Variants in KCTD6 observed in about 807,000 individuals in gnomAD.
The protein encoded by KCTD6 is potassium channel tetramerization domain containing 6.
Under a neutral mutation model 18.7 loss-of-function variants are expected in KCTD6, and 6 were observed. That is an observed-to-expected ratio of 0.32 (90% CI 0.18 to 0.63). KCTD6 has a LOEUF of 0.63. Ranked by LOEUF, KCTD6 falls within the 30% of genes least tolerant of loss-of-function variation. The pLI is 0.79. For synonymous variants in KCTD6, 86 were observed against 108.5 expected, an observed-to-expected ratio of 0.79 and a Z score of 1.29; for missense variants, 165 against 300.2, an observed-to-expected ratio of 0.55 and a Z score of 3.33.
At chr3:58,500,881 T>C in intron 2 of KCTD6, 65 bp from the exon 3 acceptor site, 2 of 1,035,408 alleles carry the variant, frequency 1.9e-6, no homozygotes, top group South Asian at 3.1e-5. Context: ...TCACTTACTT[T>C]CTTAATTTGT....
In KCTD6 at chr3:58,492,342, C is replaced by A. The variant is rs2063158667; in HGVS notation, c.-44+173C>A. ...GGGGACCGCGCGTCCCGGGCTGGCACGAGCCAGCAGCGGAGGTGCCCGCGG... is the reference window on the plus strand; with the variant it reads ...GGGGACCGCGCGTCCCGGGCTGGCAAGAGCCAGCAGCGGAGGTGCCCGCGG... On this transcript the variant is annotated intron_variant, in intron 1 of 2. Transcript: ENST00000404589. This position sits in a 1 kb window ranked among gnomAD's most constrained non-coding sequence, Gnocchi z 6.1. 6.7e-6 allele frequency among the ~76,000 whole-genome samples: 1 copy of A among 149,952 alleles called. No individual in the cohort carries two copies. Among genetic ancestry groups the A allele is most frequent in the South Asian group, 2.1e-4 (1 of 4,816 alleles).
chr3:58,497,939 C>G lies in KCTD6; in HGVS notation c.-43-774C>G, dbSNP rs186291017. 1.3e-5 allele frequency: 2 copies of G among 149,800 alleles called. No individual in the cohort carries two copies. Among genetic ancestry groups the G allele is most frequent in the Admixed American group, 1.3e-4 (2 of 15,056 alleles). 9.3% of individuals were successfully genotyped at this position (149,800 alleles called of 1,614,324 possible). On this transcript the variant is annotated intron_variant, in intron 1 of 2. Transcript: ENST00000404589. The surrounding 1 kb of genome is among the most constrained non-coding windows in gnomAD (Gnocchi z 4.2). ...GTGATTGGCTTGTATAGCTGAAATGCTGATGAAAAGGAGTTTTCCCTTCTC... is the reference window on the plus strand; with the variant it reads ...GTGATTGGCTTGTATAGCTGAAATGGTGATGAAAAGGAGTTTTCCCTTCTC...
intron 1 of KCTD6, among the ~76,000 whole-genome samples, chr3:58,495,355 A>G (rs976450985): frequency 7.9e-5 from 12 of 152,232 alleles, no homozygotes; most frequent in Non-Finnish European, 4.4e-5. Context: ...GCTCTGGAAA[A>G]TGATTCAGTA....
rs2063205083 is a variant in KCTD6, at chr3:58,501,627, G to A, written c.709G>A (p.Asp237Asn). The A allele has an allele frequency of 7.5e-7, 1 of 1,329,672 alleles. No individual in the cohort carries two copies. The highest frequency in any genetic ancestry group is 9.7e-7 in the Non-Finnish European group (1 of 1,032,314). 82.4% of individuals were successfully genotyped at this position (1,329,672 alleles called of 1,614,324 possible). ...CTGTAGGCTAGCCCGGAAGACAGAC[G>A]ACTGATCTCCGACCCTGCCACAGGT... Reference protein sequence around the residue: ...TFCRLARKTDD With the variant: ...TFCRLARKTDN Residue 237 changes from aspartate (D) to asparagine (N), a missense_variant, in exon 3 of 3, where the codon GAC becomes AAC. This residue lies in a region of KCTD6 where 106 missense variants were observed against 230.4 expected (regional missense o/e 0.46). Coordinates refer to ENST00000404589, the MANE Select transcript of KCTD6 (RefSeq NM_001128214.2). This position sits in a 1 kb window ranked among gnomAD's most constrained non-coding sequence, Gnocchi z 9.7.
At chr3:58,500,913 T>G in intron 2 of KCTD6, 33 bp from the exon 3 acceptor site, 1 of 1,396,914 alleles carries the variant, frequency 7.2e-7, no homozygotes, top group Non-Finnish European at 9.8e-7. Flanking sequence ...TTTAAAAATT[T>G]CAGATGACTG....
rs1478954260 is a variant in KCTD6 at position 58,493,090 on chromosome 3, C to T, written c.-44+921C>T. Among the ~76,000 whole-genome samples, 1 of 152,128 alleles carries T rather than the reference C, an allele frequency of 6.6e-6. No individual in the cohort carries two copies. The highest frequency in any genetic ancestry group is 2.4e-5 in the African/African-American group (1 of 41,414). On this transcript the variant is annotated intron_variant, in intron 1 of 2. Transcript: ENST00000404589. The surrounding 1 kb of genome is among the most constrained non-coding windows in gnomAD (Gnocchi z 4.5). ...ACAAATGCCCTATTACTTGAATCAT[C>T]CTGGGATAGGAGAGAAGCTTGGGGA...
rs1055797235 is a variant in KCTD6, at chr3:58,493,177, T to C, written c.-44+1008T>C. Among the ~76,000 whole-genome samples, 4 of 152,158 alleles carry C rather than the reference T, an allele frequency of 2.6e-5. No individual in the cohort carries two copies. Among genetic ancestry groups the C allele is most frequent in the African/African-American group, 9.7e-5 (4 of 41,424 alleles). ...GTTTTCAAATGAACGAATATGTAGC[T>C]AGGAAAAGGAAAATGTGTTTGTCAG... On this transcript the variant is annotated intron_variant, in intron 1 of 2. Transcript: ENST00000404589. This position sits in a 1 kb window ranked among gnomAD's most constrained non-coding sequence, Gnocchi z 4.5.
At chr3:58,500,242 A>G (rs1034602964) in intron 2 of KCTD6, 35 of 151,188 alleles carry the variant, frequency 2.3e-4, no homozygotes, top group African/African-American at 8.3e-4. Flanking sequence ...CAGCCTCCCA[A>G]GTAGCTAGGA....
intron 2 of KCTD6, among the ~76,000 whole-genome samples, chr3:58,499,747 C>T (rs2063196361): frequency 6.6e-6 from 1 of 151,882 alleles, no homozygotes; most frequent in South Asian, 2.1e-4. Context: ...GTCATGTTGC[C>T]CAGGCTGGTC....
rs933471667 is a variant in KCTD6 at position 58,498,462 on chromosome 3, G to A, written c.-43-251G>A. 2 of 411,534 alleles carry A rather than the reference G, an allele frequency of 4.9e-6. No homozygotes were observed. The highest frequency in any genetic ancestry group is 2.1e-5 in the African/African-American group (1 of 47,612). 25.5% of individuals were successfully genotyped at this position (411,534 alleles called of 1,614,324 possible). A position where few individuals can be genotyped will look rare whatever the true frequency, so the allele number is the denominator to read the frequency against. On this transcript the variant is annotated intron_variant, in intron 1 of 2. Coordinates refer to ENST00000404589, the MANE Select transcript of KCTD6 (RefSeq NM_001128214.2). The surrounding 1 kb of genome is among the most constrained non-coding windows in gnomAD (Gnocchi z 4.6). The stretch of plus-strand genomic sequence containing the variant: ...ACTCTTCCTCCTTCTCTTAAGTACA[G>A]TATAGTTCTTTCTCTGAAAATCTTC...
At chr3:58,499,869 C>T (rs916874116) in intron 2 of KCTD6, among the ~76,000 whole-genome samples, 3 of 151,804 alleles carry the variant, frequency 2.0e-5, no homozygotes, top group Non-Finnish European at 4.4e-5. Flanking sequence ...ATTTCTAAAA[C>T]TGAAGGTATG....
Position 58,498,725 on chromosome 3 carries a change from C to G in KCTD6, c.-31C>G, listed in dbSNP as rs746141591. ...TCTCCTCTTGAAGTTTCCCTGAAACCTGGGCTCTTGAAGACGCATCACTGG... is the reference window on the plus strand; with the variant it reads ...TCTCCTCTTGAAGTTTCCCTGAAACGTGGGCTCTTGAAGACGCATCACTGG... On this transcript the variant is annotated 5_prime_UTR_variant, in exon 2 of 3. Coordinates refer to ENST00000404589, the MANE Select transcript of KCTD6 (RefSeq NM_001128214.2). This position sits in a 1 kb window ranked among gnomAD's most constrained non-coding sequence, Gnocchi z 4.6. The G allele has an allele frequency of 1.3e-6, 2 of 1,597,496 alleles. No homozygotes were observed. The highest frequency in any genetic ancestry group is 2.7e-5 in the African/African-American group (2 of 74,330).
At position 58,492,424 on chromosome 3, in the gene KCTD6, G is replaced by A. The variant is rs1418328550; in HGVS notation, c.-44+255G>A. Among the ~76,000 whole-genome samples the A allele has an allele frequency of 2.6e-5, 4 of 151,410 alleles. 1 individual carries two copies. The highest frequency in any genetic ancestry group is 2.1e-4 in the South Asian group (1 of 4,816). On this transcript the variant is annotated intron_variant, in intron 1 of 2. Coordinates refer to ENST00000404589, the MANE Select transcript of KCTD6 (RefSeq NM_001128214.2). The surrounding 1 kb of genome is among the most constrained non-coding windows in gnomAD (Gnocchi z 6.1). ...CGGCGGGGATGCGCGGTTTCTGCGG[G>A]CCCGGGTTCGGAGCCCCGCGGCGCG...
chr3:58,492,136 C>T lies in KCTD6; in HGVS notation c.-77C>T, dbSNP rs1166078819. ...CGCGCTCTCCGGCCGCGGGCATCTC[C>T]CGGCCCGGCCGCAGCAGCCGCCGCC... On this transcript the variant is annotated 5_prime_UTR_variant, in exon 1 of 3. Coordinates refer to ENST00000404589, the MANE Select transcript of KCTD6 (RefSeq NM_001128214.2). This position sits in a 1 kb window ranked among gnomAD's most constrained non-coding sequence, Gnocchi z 6.1. 6.7e-6 allele frequency: 1 copy of T among 149,220 alleles called. No homozygotes were observed. Among genetic ancestry groups the T allele is most frequent in the Non-Finnish European group, 1.5e-5 (1 of 66,702 alleles). The allele number at this position is 149,220 out of a possible 1,614,324, so 9.2% of individuals were successfully genotyped here. A position where few individuals can be genotyped will look rare whatever the true frequency, so the allele number is the denominator to read the frequency against.
chr3:58,495,659 CATTGTT>C (rs2063172188), intron 1 of KCTD6, among the ~76,000 whole-genome samples: 1 of 152,116 alleles, frequency 6.6e-6, no homozygotes, highest in Non-Finnish European at 1.5e-5. Flanking sequence ...ACAGTTTACT[CATTGTT>C]ATTGGAAGTG....
chr3:58,495,531 C>T (rs1401309473), intron 1 of KCTD6, among the ~76,000 whole-genome samples: 1 of 151,820 alleles, frequency 6.6e-6, no homozygotes, highest in Admixed American at 6.6e-5. Context: ...TTGTTTGTTT[C>T]TTGCTGTATT....
In KCTD6 at chr3:58,501,602, C is replaced by A. The variant is rs1232485608; in HGVS notation, c.684C>A (p.Phe228Leu). ...NENTVEHNWTFCRLARKTDD is the reference protein window; with the variant it reads ...NENTVEHNWTLCRLARKTDD ...ACACAGTGGAGCACAACTGGACTTT[C>A]TGTAGGCTAGCCCGGAAGACAGACG... The change falls in exon 3 of 3, where the codon TTC becomes TTA. Residue 228 changes from phenylalanine (F) to leucine (L), a missense_variant. Coordinates refer to ENST00000404589, the MANE Select transcript of KCTD6 (RefSeq NM_001128214.2). The surrounding 1 kb of genome is among the most constrained non-coding windows in gnomAD (Gnocchi z 9.7). 7.4e-7 allele frequency: 1 copy of A among 1,360,314 alleles called. No homozygotes were observed. Among genetic ancestry groups the A allele is most frequent in the African/African-American group, 1.5e-5 (1 of 67,096 alleles). The allele number at this position is 1,360,314 out of a possible 1,614,324, so 84.3% of individuals were successfully genotyped here. A position where few individuals can be genotyped will look rare whatever the true frequency, so the allele number is the denominator to read the frequency against.
At chr3:58,494,539 T>G (rs368872492) in intron 1 of KCTD6, 2 of 152,188 alleles carry the variant, frequency 1.3e-5, no homozygotes, top group Admixed American at 6.5e-5. Context: ...TTATTATTCG[T>G]TGGAGGTTTT....
At chr3:58,500,896 G>A (rs755097210) in intron 2 of KCTD6, 50 bp from the exon 3 acceptor site, 3 of 1,195,552 alleles carry the variant, frequency 2.5e-6, no homozygotes, top group Non-Finnish European at 3.6e-6. Flanking sequence ...ATTTGTCAAA[G>A]TTAGTATTTA....
Sources: gnomAD v4.1 joint callset for allele counts (sites outside exome capture counted in the v4.1 genomes callset) on GRCh38, gnomAD v4.1.1 for gene constraint, gnomAD v4.1.1 regional missense constraint, Gnocchi (gnomAD v3.1) non-coding constraint, MANE v1.5 for transcripts, NCBI Gene and HGNC (gene_info 2026-07-23, HGNC 2026-07-21) for gene names.